The following FRMD4B variants were observed in gnomAD, a reference collection of about 807,000 sequenced individuals.
FRMD4B encodes FERM domain-containing protein 4B.
A neutral mutation model predicts 141.5 loss-of-function variants in FRMD4B; 74 were observed. The observed-to-expected ratio is 0.52, with a 90% CI of 0.43 to 0.63. FRMD4B has a LOEUF of 0.63. Among genes scored for constraint, FRMD4B ranks in the 30% least tolerant of loss-of-function variants. FRMD4B has a pLI of 0.00. For synonymous variants in FRMD4B, 506 were observed against 467.9 expected, an observed-to-expected ratio of 1.08 and a Z score of -1.05; for missense variants, 1,366 against 1,253.4, an observed-to-expected ratio of 1.09 and a Z score of -1.36.
intron 1 of FRMD4B, among the ~76,000 whole-genome samples, chr3:69,486,416 A>C (rs970121212): frequency 7.5e-5 from 11 of 147,224 alleles, no homozygotes; most frequent in Non-Finnish European, 1.3e-4. Context: ...TATCTTTCTT[A>C]TGCCTTTGCG....
chr3:69,445,762 T>A (rs932621749), intron 1 of FRMD4B, among the ~76,000 whole-genome samples: 1 of 152,150 alleles, frequency 6.6e-6, no homozygotes, highest in Non-Finnish European at 1.5e-5. Context: ...TAATTCGAAT[T>A]CAACTCGCAT....
At chr3:69,249,295 TA>T (rs1433534487) in intron 6 of FRMD4B, 47 bp from the exon 7 acceptor site, 1 of 1,338,790 alleles carries the variant, frequency 7.5e-7, no homozygotes, top group African/African-American at 1.5e-5. Context: ...GTATCTTTGT[TA>T]AGCTAAATGA....
intron 5 of FRMD4B, among the ~76,000 whole-genome samples, chr3:69,273,940 T>G (rs1198653313): frequency 6.6e-6 from 1 of 151,910 alleles, no homozygotes; most frequent in Non-Finnish European, 1.5e-5. Flanking sequence ...AAAAAGAATT[T>G]CTTAAGGGGC....
At chr3:69,202,154 G>T (rs549472503) in intron 11 of FRMD4B, among the ~76,000 whole-genome samples, 12 of 152,106 alleles carry the variant, frequency 7.9e-5, no homozygotes, top group Non-Finnish European at 1.2e-4. Flanking sequence ...AGTGAGCCGA[G>T]ATCGCACCAC....
intron 11 of FRMD4B, chr3:69,200,714 T>G (rs1312730905): frequency 1.6e-6 from 2 of 1,278,384 alleles, no homozygotes; most frequent in Non-Finnish European, 2.0e-6. Flanking sequence ...GCAGTTGGGA[T>G]TTGCCTGATA....
chr3:69,173,474 A>G (rs553092518), intron 22 of FRMD4B, among the ~76,000 whole-genome samples: 12 of 152,292 alleles, frequency 7.9e-5, no homozygotes, highest in Admixed American at 3.9e-4. Context: ...TTAACGGGAA[A>G]ATCTAGTTTT....
chr3:69,184,530 C>G (rs1479027603), intron 19 of FRMD4B, among the ~76,000 whole-genome samples: 1 of 152,132 alleles, frequency 6.6e-6, no homozygotes, highest in African/African-American at 2.4e-5. Context: ...GTAGTGTAAG[C>G]AATGCTGTAA....
At chr3:69,355,917 C>T (rs529968540) in intron 1 of FRMD4B, among the ~76,000 whole-genome samples, 1 of 151,948 alleles carries the variant, frequency 6.6e-6, no homozygotes, top group Admixed American at 6.6e-5. Context: ...CCCAGCTACT[C>T]GGGAGGCTGA....
intron 1 of FRMD4B, among the ~76,000 whole-genome samples, chr3:69,454,873 GGAAGT>G (rs1705564884): frequency 6.6e-6 from 1 of 152,242 alleles, no homozygotes; most frequent in Non-Finnish European, 1.5e-5. Context: ...GATCCACTAG[GGAAGT>G]CAGCTGGACT....
At chr3:69,359,459 A>C (rs1414189617) in intron 1 of FRMD4B, among the ~76,000 whole-genome samples, 1 of 152,256 alleles carries the variant, frequency 6.6e-6, no homozygotes, top group East Asian at 1.9e-4. Flanking sequence ...ATTTAGTACA[A>C]ACTGGGACTG....
chr3:69,284,050 T>G (rs926783635), intron 5 of FRMD4B, among the ~76,000 whole-genome samples: 1 of 151,522 alleles, frequency 6.6e-6, no homozygotes, highest in Non-Finnish European at 1.5e-5. Flanking sequence ...ACGAAGATAG[T>G]GAACCTTGAA....
At chr3:69,518,794 G>C (rs1700805634) in intron 1 of FRMD4B, among the ~76,000 whole-genome samples, 1 of 152,214 alleles carries the variant, frequency 6.6e-6, no homozygotes. Flanking sequence ...AGGCTGAAGA[G>C]ACTAGCAGGG....
chr3:69,337,097 T>C (rs559647497), intron 1 of FRMD4B, among the ~76,000 whole-genome samples: 2,601 of 151,570 alleles, frequency 0.017, 90 homozygotes, highest in African/African-American at 0.06. Flanking sequence ...GGTACTGGTA[T>C]CAAAACAGAG....
At chr3:69,200,471 C>G in intron 11 of FRMD4B, 1 of 992,262 alleles carries the variant, frequency 1.0e-6, no homozygotes, top group Non-Finnish European at 1.2e-6. Context: ...AGGGTTCTTC[C>G]GCCCTCCCCC....
chr3:69,470,012 G>A (rs2106942431), intron 1 of FRMD4B, among the ~76,000 whole-genome samples: 1 of 152,262 alleles, frequency 6.6e-6, no homozygotes. Flanking sequence ...TCAGAGGTTT[G>A]TTGAAATACA....
intron 19 of FRMD4B, among the ~76,000 whole-genome samples, chr3:69,185,527 C>G (rs908814359): frequency 6.6e-6 from 1 of 152,038 alleles, no homozygotes; most frequent in Non-Finnish European, 1.5e-5. Context: ...AATCAGATCA[C>G]AAGCTTTGGA....
intron 2 of FRMD4B, among the ~76,000 whole-genome samples, chr3:69,405,160 C>T (rs1215218908): frequency 6.6e-6 from 1 of 152,318 alleles, no homozygotes; most frequent in Admixed American, 6.5e-5. Context: ...TTTTCTTTCT[C>T]CTTGCTCTTG....
At chr3:69,481,800 T>C (rs1325339968) in intron 1 of FRMD4B, among the ~76,000 whole-genome samples, 4 of 152,188 alleles carry the variant, frequency 2.6e-5, no homozygotes, top group Non-Finnish European at 5.9e-5. Flanking sequence ...GTTGACCTTG[T>C]TGGAGTCAGA....
At chr3:69,422,382 GAA>G (rs374932228) in intron 2 of FRMD4B, among the ~76,000 whole-genome samples, 1 of 122,812 alleles carries the variant, frequency 8.1e-6, no homozygotes, top group African/African-American at 3.1e-5. Flanking sequence ...GCGAGACTCT[GAA>G]AAAAAAAAAA....
Sources: allele counts gnomAD v4.1 joint callset (sites outside exome capture counted in the v4.1 genomes callset), GRCh38; gene constraint gnomAD v4.1.1; transcripts MANE v1.5; gene names NCBI Gene and HGNC (gene_info 2026-07-23, HGNC 2026-07-21).